The following CTIF variants were observed in gnomAD, a reference collection of about 807,000 sequenced individuals.
CTIF encodes the protein cap binding complex dependent translation initiation factor.
In CTIF, 21 loss-of-function variants were observed where a neutral mutation model predicts 66.0. The observed-to-expected ratio is 0.32, with a 90% CI of 0.23 to 0.46. The LOEUF is 0.46. Ranked by LOEUF, CTIF falls within the 20% of genes least tolerant of loss-of-function variation. The pLI, the probability that CTIF is intolerant of heterozygous loss-of-function variation, is 1.00. For missense variants in CTIF, 739 were observed against 812.7 expected (o/e 0.91, Z 1.10); for synonymous variants, 345 against 326.4 (o/e 1.06, Z -0.62).
At chr18:48,829,671 C>T (rs577775909) in intron 10 of CTIF, among the ~76,000 whole-genome samples, 8 of 152,324 alleles carry the variant, frequency 5.3e-5, no homozygotes, top group Admixed American at 2.0e-4. Context: ...GGCATAAGCA[C>T]GCTGGGGTCC....
chr18:48,680,611 C>T (rs542077387), intron 6 of CTIF, among the ~76,000 whole-genome samples: 278 of 152,380 alleles, frequency 1.8e-3, no homozygotes, highest in African/African-American at 6.3e-3. Flanking sequence ...CCACACAGCC[C>T]GCAGCCTTGC....
At chr18:48,659,503 C>T (rs974689690) in intron 3 of CTIF, among the ~76,000 whole-genome samples, 5 of 152,190 alleles carry the variant, frequency 3.3e-5, no homozygotes, top group African/African-American at 1.2e-4. Context: ...GAGCTGCACC[C>T]CCAGGGCTCC....
At chr18:48,841,566 G>A (rs2068943353) in intron 10 of CTIF, among the ~76,000 whole-genome samples, 1 of 152,218 alleles carries the variant, frequency 6.6e-6, no homozygotes, top group South Asian at 2.1e-4. Context: ...ATATGGCTGG[G>A]CCTGTTAGGA....
chr18:48,737,597 G>A (rs900432073), intron 7 of CTIF, among the ~76,000 whole-genome samples: 1 of 151,076 alleles, frequency 6.6e-6, no homozygotes, highest in African/African-American at 2.4e-5. Context: ...GGAAATACAT[G>A]AACCTTACTA....
At chr18:48,647,091 G>A (rs1289652305) in intron 3 of CTIF, among the ~76,000 whole-genome samples, 2 of 152,212 alleles carry the variant, frequency 1.3e-5, no homozygotes, top group Non-Finnish European at 2.9e-5. Flanking sequence ...ATCTTCAGCA[G>A]ATGAATGGTT....
chr18:48,777,329 C>T (rs568699650), intron 9 of CTIF, among the ~76,000 whole-genome samples: 2 of 152,314 alleles, frequency 1.3e-5, no homozygotes, highest in Non-Finnish European at 2.9e-5. Flanking sequence ...GGGGCTGTCC[C>T]ACAGGGAAGA....
rs1314993739 is a variant in CTIF at position 48,862,046 on chromosome 18, AAGAC to A, written c.*2488_*2491del. Reference sequence around the variant, plus strand: ...TTTTCAGATATGGAAGGAAAACGTTAAGACTATTTTTTTTTTAAAGAAACAACAG... The same window carrying A: ...TTTTCAGATATGGAAGGAAAACGTTATATTTTTTTTTTAAAGAAACAACAG... On this transcript the variant is annotated 3_prime_UTR_variant, in exon 12 of 12. Coordinates refer to ENST00000256413, the MANE Select transcript of CTIF (RefSeq NM_014772.3). 1.3e-5 allele frequency: 2 copies of A among 151,448 alleles called. No homozygotes were observed. The highest frequency in any genetic ancestry group is 2.9e-5 in the Non-Finnish European group (2 of 68,008). The allele number at this position is 151,448 out of a possible 1,614,324, so 9.4% of individuals were successfully genotyped here.
intron 3 of CTIF, among the ~76,000 whole-genome samples, chr18:48,640,202 C>T (rs1170621842): frequency 6.6e-6 from 1 of 152,224 alleles, no homozygotes; most frequent in Non-Finnish European, 1.5e-5. Flanking sequence ...CACCCATGAG[C>T]ACCCCGGCTG....
At chr18:48,681,043 C>T (rs187151515) in intron 6 of CTIF, among the ~76,000 whole-genome samples, 2 of 152,224 alleles carry the variant, frequency 1.3e-5, no homozygotes, top group East Asian at 3.9e-4. Context: ...CGGCAGGCGG[C>T]CCCCCCAGGA....
At chr18:48,693,739 C>T (rs1001317726) in intron 6 of CTIF, among the ~76,000 whole-genome samples, 17 of 152,206 alleles carry the variant, frequency 1.1e-4, no homozygotes, top group African/African-American at 2.7e-4. Flanking sequence ...ATGATCCACG[C>T]GCCAAGTCCA....
chr18:48,690,133 T>C (rs890341590), intron 6 of CTIF, among the ~76,000 whole-genome samples: 1 of 152,168 alleles, frequency 6.6e-6, no homozygotes, highest in South Asian at 2.1e-4. Context: ...GTGTTTCTTA[T>C]AGGTGACACT....
At chr18:48,572,818 A>G (rs1439736477) in intron 1 of CTIF, among the ~76,000 whole-genome samples, 2 of 151,878 alleles carry the variant, frequency 1.3e-5, no homozygotes, top group African/African-American at 4.8e-5. Context: ...AGAAACCCCA[A>G]CTCTTCAAAA....
At chr18:48,705,432 A>G (rs994085932) in intron 6 of CTIF, among the ~76,000 whole-genome samples, 1 of 152,236 alleles carries the variant, frequency 6.6e-6, no homozygotes, top group South Asian at 2.1e-4. Context: ...TTTAGGGCCC[A>G]ACTAAATCCC....
At chr18:48,844,625 G>T (rs1455310965) in intron 10 of CTIF, among the ~76,000 whole-genome samples, 1 of 152,182 alleles carries the variant, frequency 6.6e-6, no homozygotes, top group African/African-American at 2.4e-5. Context: ...CAGGGCACAA[G>T]CTTGGACTGA....
rs142059892 is a variant in CTIF at position 48,759,649 on chromosome 18, A to G, written c.1071+1244A>G. Among the ~76,000 whole-genome samples, 48 of 152,324 alleles carry G rather than the reference A, an allele frequency of 3.2e-4. No individual in the cohort carries two copies. In the East Asian group the frequency reaches 9.1e-3, roughly 29 times the overall value. On this transcript the variant is annotated intron_variant, in intron 8 of 11. Transcript: ENST00000256413. ...CTGAGCCCCAGTTACTCATCTGTAAAATGGGTGTTAATACTACACACCTTG... is the reference window on the plus strand; with the variant it reads ...CTGAGCCCCAGTTACTCATCTGTAAGATGGGTGTTAATACTACACACCTTG...
intron 7 of CTIF, among the ~76,000 whole-genome samples, chr18:48,755,078 G>A (rs75051144): frequency 6.6e-6 from 1 of 152,164 alleles, no homozygotes; most frequent in African/African-American, 2.4e-5. Context: ...GGAAGGGCTT[G>A]GTCAACCATC....
intron 9 of CTIF, among the ~76,000 whole-genome samples, chr18:48,808,555 T>C (rs2068198549): frequency 6.7e-6 from 1 of 150,290 alleles, no homozygotes; most frequent in Non-Finnish European, 1.5e-5. Flanking sequence ...CTTTATTCCA[T>C]CTGGAATTTA....
intron 3 of CTIF, among the ~76,000 whole-genome samples, chr18:48,637,187 G>A (rs992073467): frequency 5.3e-5 from 8 of 152,278 alleles, no homozygotes; most frequent in Non-Finnish European, 5.9e-5. Context: ...CATCCCCCCA[G>A]CCAACCAACA....
chr18:48,838,703 C>G (rs899317953), intron 10 of CTIF, among the ~76,000 whole-genome samples: 7 of 152,218 alleles, frequency 4.6e-5, no homozygotes, highest in African/African-American at 1.7e-4. Context: ...ACAGCCTTCT[C>G]CAACACTTCA....
Sources: allele counts gnomAD v4.1 joint callset (sites outside exome capture counted in the v4.1 genomes callset), GRCh38; gene constraint gnomAD v4.1.1; transcripts MANE v1.5; gene names NCBI Gene and HGNC (gene_info 2026-07-23, HGNC 2026-07-21).